GRIA1: variants seen among roughly 807,000 people sequenced by gnomAD.
GRIA1 encodes the protein glutamate receptor 1.
Under a neutral mutation model 99.2 loss-of-function variants are expected in GRIA1, and 31 were observed. The observed-to-expected ratio is 0.31, with a 90% CI of 0.23 to 0.42. GRIA1 has a LOEUF of 0.42. Among genes scored for constraint, GRIA1 ranks in the 10% least tolerant of loss-of-function variants. The pLI is 1.00. For missense variants in GRIA1, 782 were observed against 1,157.5 expected (o/e 0.68, Z 4.71); for synonymous variants, 438 against 432.4 (o/e 1.01, Z -0.16).
At chr5:153,772,356 G>T (rs1160596728) in intron 13 of GRIA1, among the ~76,000 whole-genome samples, 1 of 152,004 alleles carries the variant, frequency 6.6e-6, no homozygotes, top group Non-Finnish European at 1.5e-5. Flanking sequence ...TAAATAGCAT[G>T]TGCAAAGATT....
intron 2 of GRIA1, among the ~76,000 whole-genome samples, chr5:153,556,108 T>A (rs1465187810): frequency 2.0e-5 from 3 of 152,226 alleles, no homozygotes; most frequent in Non-Finnish European, 4.4e-5. Flanking sequence ...TGTTAATCTA[T>A]CTGTTCATGG....
At chr5:153,706,945 T>C (rs1260436952) in intron 11 of GRIA1, among the ~76,000 whole-genome samples, 2 of 151,854 alleles carry the variant, frequency 1.3e-5, no homozygotes, top group East Asian at 1.9e-4. Context: ...AAATAAAAAA[T>C]AATAAAACAA....
chr5:153,598,580 G>A (rs774120825), intron 2 of GRIA1, among the ~76,000 whole-genome samples: 28 of 152,138 alleles, frequency 1.8e-4, no homozygotes, highest in South Asian at 8.3e-4. Flanking sequence ...AGGTGGTCTC[G>A]TGGAGAACTG....
intron 2 of GRIA1, among the ~76,000 whole-genome samples, chr5:153,627,064 T>G (rs1484753735): frequency 1.3e-5 from 2 of 152,228 alleles, no homozygotes; most frequent in African/African-American, 4.8e-5. Context: ...AGAAGCTACA[T>G]GTGATTCTGC....
At chr5:153,784,405 TA>T (rs34530863) in intron 13 of GRIA1, among the ~76,000 whole-genome samples, 109,103 of 151,902 alleles carry the variant, frequency 0.72, 39,665 homozygotes, top group East Asian at 0.95. Flanking sequence ...TCATTTGCTT[TA>T]AAAAAAAATT....
At chr5:153,748,316 A>G (rs1447399768) in intron 11 of GRIA1, among the ~76,000 whole-genome samples, 2 of 152,178 alleles carry the variant, frequency 1.3e-5, no homozygotes, top group Admixed American at 1.3e-4. Flanking sequence ...CAGGGAAGTG[A>G]GTTCCAGGTA....
intron 3 of GRIA1, 82 bp downstream of exon 3, chr5:153,647,249 T>A (rs1256016888): frequency 1.0e-5 from 15 of 1,474,154 alleles, no homozygotes; most frequent in Non-Finnish European, 1.4e-5. Flanking sequence ...GCCTCACTGC[T>A]TCCCTGAAAA....
At chr5:153,537,853 T>G (rs1758727262) in intron 2 of GRIA1, among the ~76,000 whole-genome samples, 1 of 152,198 alleles carries the variant, frequency 6.6e-6, no homozygotes, top group Non-Finnish European at 1.5e-5. Context: ...TGTTTGTTTT[T>G]AATAACCACT....
chr5:153,688,604 A>C (rs1757509035), intron 8 of GRIA1, among the ~76,000 whole-genome samples: 1 of 152,216 alleles, frequency 6.6e-6, no homozygotes, highest in South Asian at 2.1e-4. Flanking sequence ...TCTGGAAAAC[A>C]CTGAGGTGGC....
chr5:153,803,214 G>T (rs1023372673), intron 15 of GRIA1, among the ~76,000 whole-genome samples: 1 of 152,184 alleles, frequency 6.6e-6, no homozygotes, highest in African/African-American at 2.4e-5. Context: ...CTAAAGAAAG[G>T]CTAGAATATC....
At chr5:153,738,009 C>A (rs186584339) in intron 11 of GRIA1, among the ~76,000 whole-genome samples, 1 of 152,328 alleles carries the variant, frequency 6.6e-6, no homozygotes, top group East Asian at 1.9e-4. Context: ...GGGCCCCTAT[C>A]CCCACCAGGG....
intron 11 of GRIA1, among the ~76,000 whole-genome samples, chr5:153,730,460 A>G (rs2149557251): frequency 1.3e-5 from 2 of 152,270 alleles, no homozygotes; most frequent in Middle Eastern, 6.8e-3. Context: ...GACATGAGAA[A>G]AGTTTAACAG....
intron 11 of GRIA1, among the ~76,000 whole-genome samples, chr5:153,735,222 C>T (rs1412996438): frequency 6.6e-6 from 1 of 152,138 alleles, no homozygotes; most frequent in Non-Finnish European, 1.5e-5. Flanking sequence ...GCAGGAAGAG[C>T]CGCAGACAAA....
rs3036985 is a variant in GRIA1, at chr5:153,626,444, C to CTGTGTG, written c.221-20446_221-20441dup. 5.0e-3 allele frequency among the ~76,000 whole-genome samples: 709 copies of CTGTGTG among 142,424 alleles called. 7 individuals carry two copies. Among genetic ancestry groups the CTGTGTG allele is most frequent in the East Asian group, 8.3e-3 (40 of 4,792 alleles). 93.4% of individuals were successfully genotyped at this position (142,424 alleles called of 152,430 possible). On this transcript the variant is annotated intron_variant, in intron 2 of 15. Transcript: ENST00000285900. The stretch of plus-strand genomic sequence containing the variant: ...AAATCTAGTCTCTGTGTGTGTGTGT[C>CTGTGTG]TGTGTGTGTGTGTGTGTGTGTGTGT...
At chr5:153,538,810 TC>T (rs1281426708) in intron 2 of GRIA1, among the ~76,000 whole-genome samples, 1 of 152,222 alleles carries the variant, frequency 6.6e-6, no homozygotes, top group Non-Finnish European at 1.5e-5. Flanking sequence ...ATCAGGTACA[TC>T]CTACAGGTGC....
In GRIA1 at chr5:153,810,508, C is replaced by T. The variant is rs191985833; in HGVS notation, c.2521-517C>T. Among the ~76,000 whole-genome samples the T allele has an allele frequency of 2.4e-4, 36 of 152,236 alleles. 1 individual carries two copies. The highest frequency in any genetic ancestry group is 1.6e-3 in the Admixed American group (25 of 15,292). On this transcript the variant is annotated intron_variant, in intron 15 of 15. Transcript: ENST00000285900. ...TGAACATTTCAAAGCATTTTTCATG[C>T]GGTAGCACCATTCTTGCTATAATAA...
chr5:153,492,143 T>G (rs903431204), intron 1 of GRIA1: 1 of 1,441,914 alleles, frequency 6.9e-7, no homozygotes, highest in Non-Finnish European at 9.2e-7. Flanking sequence ...TTGTGCTCTT[T>G]TGTGAGTGTG....
In GRIA1 at chr5:153,611,131, A is replaced by G. The variant is rs148089494; in HGVS notation, c.221-35797A>G. On this transcript the variant is annotated intron_variant, in intron 2 of 15. Coordinates refer to ENST00000285900, the MANE Select transcript of GRIA1 (RefSeq NM_000827.4). Reference sequence around the variant, plus strand: ...GATTTGGAGTGAGGCCTAGGAAGCTATATTTTAAAAAGCTTGCCACTACGT... The same window carrying G: ...GATTTGGAGTGAGGCCTAGGAAGCTGTATTTTAAAAAGCTTGCCACTACGT... 2.3e-3 allele frequency among the ~76,000 whole-genome samples: 351 copies of G among 152,356 alleles called. 4 individuals are homozygous for G. The highest frequency in any genetic ancestry group is 8.3e-3 in the African/African-American group (346 of 41,578).
chr5:153,615,921 T>C (rs886936625), intron 2 of GRIA1, among the ~76,000 whole-genome samples: 2 of 152,172 alleles, frequency 1.3e-5, no homozygotes, highest in African/African-American at 4.8e-5. Context: ...TGATGCCAAA[T>C]GTCTTCATCC....
Sources: allele counts gnomAD v4.1 joint callset (sites outside exome capture counted in the v4.1 genomes callset), GRCh38; gene constraint gnomAD v4.1.1; transcripts MANE v1.5; gene names NCBI Gene and HGNC (gene_info 2026-07-23, HGNC 2026-07-21).